CBFA2T3: variants seen among roughly 807,000 people sequenced by gnomAD.
CBFA2T3 encodes CBFA2/RUNX1 partner transcriptional co-repressor 3.
CBFA2T3 carries 31 observed loss-of-function variants against 58.6 expected under a neutral mutation model. The observed-to-expected ratio is 0.53, with a 90% CI of 0.40 to 0.71. The LOEUF (loss-of-function observed/expected upper bound fraction) is 0.71. Among genes scored for constraint, CBFA2T3 ranks in the 30% least tolerant of loss-of-function variants. The pLI, the probability that CBFA2T3 is intolerant of heterozygous loss-of-function variation, is 0.00. For missense variants in CBFA2T3, 1,076 were observed against 963.1 expected, an observed-to-expected ratio of 1.12 and a Z score of -1.55; for synonymous variants, 531 against 421.9, an observed-to-expected ratio of 1.26 and a Z score of -3.17.
chr16:88,900,291 C>A (rs1250372151), intron 2 of CBFA2T3, among the ~76,000 whole-genome samples: 1 of 152,278 alleles, frequency 6.6e-6, no homozygotes, highest in Non-Finnish European at 1.5e-5. Flanking sequence ...ATTCCCCAAC[C>A]AAGTCGGGAG....
intron 4 of CBFA2T3, 68 bp downstream of exon 4, chr16:88,892,176 G>A (rs1969661850): frequency 6.4e-7 from 1 of 1,551,654 alleles, no homozygotes; most frequent in Non-Finnish European, 8.7e-7. Context: ...GAGTGGCCGT[G>A]GCTGCAACCT....
At chr16:88,883,195 C>A in intron 7 of CBFA2T3, 1 of 243,926 alleles carries the variant, frequency 4.1e-6, no homozygotes, top group South Asian at 4.6e-5. Context: ...GCCTCAGTGC[C>A]AAGTCACACC....
intron 1 of CBFA2T3, chr16:88,941,104 G>A: frequency 2.0e-6 from 2 of 984,338 alleles, no homozygotes; most frequent in South Asian, 4.7e-5. Flanking sequence ...TTCCAGCTTG[G>A]TCCCCGCCTC....
intron 1 of CBFA2T3, among the ~76,000 whole-genome samples, chr16:88,906,008 C>G (rs1970316006): frequency 6.6e-6 from 1 of 151,826 alleles, no homozygotes; most frequent in African/African-American, 2.4e-5. Context: ...AAGCCACAGC[C>G]TCTCTGTCCA....
chr16:88,927,092 C>G (rs994469680), intron 1 of CBFA2T3, among the ~76,000 whole-genome samples: 1 of 152,208 alleles, frequency 6.6e-6, no homozygotes, highest in African/African-American at 2.4e-5. Context: ...GCAACATCAT[C>G]GCTGCTCCCT....
intron 3 of CBFA2T3, among the ~76,000 whole-genome samples, chr16:88,897,324 T>TA (rs984269813): frequency 2.2e-4 from 34 of 152,208 alleles, no homozygotes; most frequent in African/African-American, 7.7e-4. Flanking sequence ...CCCTCGTTCT[T>TA]AGAGCCGGGA....
chr16:88,910,944 G>A (rs754172885), intron 1 of CBFA2T3, among the ~76,000 whole-genome samples: 29 of 150,346 alleles, frequency 1.9e-4, no homozygotes, highest in Middle Eastern at 3.4e-3. Flanking sequence ...GGGCAGAGGC[G>A]GCCTGAGAGC....
chr16:88,924,351 C>A (rs1971017273), intron 1 of CBFA2T3, among the ~76,000 whole-genome samples: 2 of 152,210 alleles, frequency 1.3e-5, no homozygotes. Context: ...CCTGGCCCTG[C>A]CTCCCTGGGG....
In CBFA2T3 at chr16:88,968,261, G is replaced by T. The variant is rs575713100; in HGVS notation, c.151+8396C>A. ...CCAGCTGTCTCTGGCCCTGGGGAGGGGCTCAGTAGGGAGGGGCGGGAAGCA... is the reference window on the plus strand; with the variant it reads ...CCAGCTGTCTCTGGCCCTGGGGAGGTGCTCAGTAGGGAGGGGCGGGAAGCA... On this transcript the variant is annotated intron_variant, in intron 1 of 11. Transcript: ENST00000268679. Among the ~76,000 whole-genome samples, 7 of 152,328 alleles carry T rather than the reference G, an allele frequency of 4.6e-5. No individual in the cohort carries two copies. In the East Asian group the frequency reaches 1.2e-3, roughly 25 times the overall value.
Position 88,901,675 on chromosome 16 carries a change from G to C in CBFA2T3, c.152-19C>G, listed in dbSNP as rs758720362. On this transcript the variant is annotated intron_variant, in intron 1 of 11. Transcript: ENST00000268679. ...ACTGGGGCTGCGACCAACGGAGAAA[G>C]AAAGAGTCGGTGAAGCAGGCTAAGT... The C allele has an allele frequency of 6.6e-7, 1 of 1,518,728 alleles. No homozygotes were observed. Among genetic ancestry groups the C allele is most frequent in the Non-Finnish European group, 8.7e-7 (1 of 1,147,680 alleles). The allele number at this position is 1,518,728 out of a possible 1,614,324, so 94.1% of individuals were successfully genotyped here.
At chr16:88,971,804 C>T (rs940697282) in intron 1 of CBFA2T3, among the ~76,000 whole-genome samples, 2 of 152,242 alleles carry the variant, frequency 1.3e-5, no homozygotes, top group Non-Finnish European at 2.9e-5. Flanking sequence ...CCTGGCTCAG[C>T]TGTGACCAAT....
Position 88,976,874 on chromosome 16 carries a change from G to C in CBFA2T3, c.-67C>G. 6.7e-7 allele frequency: 1 copy of C among 1,494,204 alleles called. No individual in the cohort carries two copies. The highest frequency in any genetic ancestry group is 9.0e-7 in the Non-Finnish European group (1 of 1,109,646). 92.6% of individuals were successfully genotyped at this position (1,494,204 alleles called of 1,614,324 possible). A position where few individuals can be genotyped will look rare whatever the true frequency, so the allele number is the denominator to read the frequency against. ...GGCCTCTACCAGGACTGCCTTTCCC[G>C]ACCTCCTGCAGCCTTGAGGGAAAGA... On this transcript the variant is annotated 5_prime_UTR_variant, in exon 1 of 12. Coordinates refer to ENST00000268679, the MANE Select transcript of CBFA2T3 (RefSeq NM_005187.6).
At chr16:88,882,863 T>A in intron 7 of CBFA2T3, 102 bp from the exon 8 acceptor site, 1 of 809,744 alleles carries the variant, frequency 1.2e-6, no homozygotes, top group Non-Finnish European at 2.1e-6. Context: ...CCGTGGGCTG[T>A]GCCCGCTGGG....
At chr16:88,970,115 C>G (rs1468961440) in intron 1 of CBFA2T3, among the ~76,000 whole-genome samples, 4 of 151,988 alleles carry the variant, frequency 2.6e-5, no homozygotes, top group Admixed American at 1.3e-4. Context: ...GGTTGGCCCA[C>G]TCTCCAAAAG....
chr16:88,928,864 C>T (rs147291479), intron 1 of CBFA2T3, among the ~76,000 whole-genome samples: 64 of 152,342 alleles, frequency 4.2e-4, no homozygotes, highest in Non-Finnish European at 7.1e-4. Flanking sequence ...CTGGGAGCCA[C>T]GCAGGCGTCG....
chr16:88,953,522 G>C lies in CBFA2T3; in HGVS notation c.151+23135C>G, dbSNP rs1379641784. Among the ~76,000 whole-genome samples, 2 of 139,478 alleles carry C rather than the reference G, an allele frequency of 1.4e-5. No individual in the cohort carries two copies. Among genetic ancestry groups the C allele is most frequent in the Non-Finnish European group, 3.0e-5 (2 of 66,824 alleles). The allele number at this position is 139,478 out of a possible 152,430, so 91.5% of individuals were successfully genotyped here. A position where few individuals can be genotyped will look rare whatever the true frequency, so the allele number is the denominator to read the frequency against. On this transcript the variant is annotated intron_variant, in intron 1 of 11. Coordinates refer to ENST00000268679, the MANE Select transcript of CBFA2T3 (RefSeq NM_005187.6). The surrounding 1 kb of genome is among the most constrained non-coding windows in gnomAD (Gnocchi z 4.9). Reference sequence around the variant, plus strand: ...GCCCACTCTTGGGACCCTGAGTGTGGGGAGGCTGGGGTTGAGCAGTGGGGA... The same window carrying C: ...GCCCACTCTTGGGACCCTGAGTGTGCGGAGGCTGGGGTTGAGCAGTGGGGA...
At chr16:88,946,820 C>T (rs1430632446) in intron 1 of CBFA2T3, among the ~76,000 whole-genome samples, 2 of 151,526 alleles carry the variant, frequency 1.3e-5, no homozygotes, top group African/African-American at 4.9e-5. Flanking sequence ...GGGTCTCACT[C>T]TGTCTCCCAG....
chr16:88,892,409 C>G lies in CBFA2T3; in HGVS notation c.456G>C (p.Pro152=), dbSNP rs551002562. The G allele has an allele frequency of 3.0e-5, 49 of 1,613,390 alleles. No homozygotes were observed. In the Admixed American group the frequency reaches 8.2e-4, roughly 27 times the overall value. The part of the protein sequence containing the change: ...PCTPNGFSNG[P]ATSSTASLST... ...ACAAGGAGGCTGTGGACGAGGTGGC[C>G]GGGCCATTGCTGAAGCCGTTGGGTG... Residue 152 remains proline (P), a synonymous_variant, in exon 4 of 12, where the codon CCG becomes CCC. Coordinates refer to ENST00000268679, the MANE Select transcript of CBFA2T3 (RefSeq NM_005187.6).
chr16:88,968,575 C>T (rs1055068910), intron 1 of CBFA2T3, among the ~76,000 whole-genome samples: 3 of 152,230 alleles, frequency 2.0e-5, no homozygotes, highest in African/African-American at 2.4e-5. Flanking sequence ...TTTTAGAACA[C>T]GTGGTCCCAA....
Sources: allele counts gnomAD v4.1 joint callset (sites outside exome capture counted in the v4.1 genomes callset), GRCh38; gene constraint gnomAD v4.1.1; non-coding constraint Gnocchi (gnomAD v3.1); transcripts MANE v1.5; gene names NCBI Gene and HGNC (gene_info 2026-07-23, HGNC 2026-07-21).